KCTD16: variants seen among roughly 807,000 people sequenced by gnomAD.
KCTD16 encodes potassium channel tetramerization domain containing 16.
In KCTD16, 13 loss-of-function variants were observed where a neutral mutation model predicts 33.2. The ratio of observed to expected loss-of-function variants is 0.39; its 90% confidence interval spans 0.25 to 0.62. The LOEUF (loss-of-function observed/expected upper bound fraction) is 0.62, where lower values mean the gene tolerates loss of function less well. Among genes scored for constraint, KCTD16 ranks in the 20% least tolerant of loss-of-function variants. The pLI, the probability that KCTD16 is intolerant of heterozygous loss-of-function variation, is 0.50. For synonymous variants in KCTD16, 197 were observed against 195.3 expected, an observed-to-expected ratio of 1.01 and a Z score of -0.07; for missense variants, 441 against 525.1, an observed-to-expected ratio of 0.84 and a Z score of 1.57.
chr5:144,235,810 T>G (rs1561538627), intron 3 of KCTD16, among the ~76,000 whole-genome samples: 1 of 152,126 alleles, frequency 6.6e-6, no homozygotes, highest in Non-Finnish European at 1.5e-5. Context: ...GAAAGCATTT[T>G]AATAACTGAT....
chr5:144,415,639 A>T (rs1279223050), intron 3 of KCTD16, among the ~76,000 whole-genome samples: 1 of 152,196 alleles, frequency 6.6e-6, no homozygotes, highest in African/African-American at 2.4e-5. Flanking sequence ...CAAACAGTTG[A>T]CTTTGATTTT....
intron 3 of KCTD16, among the ~76,000 whole-genome samples, chr5:144,275,414 CA>C (rs560168404): frequency 9.3e-4 from 142 of 152,288 alleles, no homozygotes; most frequent in African/African-American, 3.3e-3. Context: ...TACGGGAAAG[CA>C]AAGCTACAGA....
rs349693 is a variant in KCTD16 at position 144,480,160 on chromosome 5, T to C, written c.*6046T>C. ...CAAATTACATTAGTGTGCATGTGTG[T>C]GTGTGCACATGGCCATGTGCAATTT... On this transcript the variant is annotated 3_prime_UTR_variant, in exon 4 of 4. Coordinates refer to ENST00000512467, the MANE Select transcript of KCTD16 (RefSeq NM_020768.4). 0.46 allele frequency: 69,091 copies of C among 151,766 alleles called. 16,027 individuals are homozygous for C. Among genetic ancestry groups the C allele is most frequent in the East Asian group, 0.67 (3,426 of 5,106 alleles). 9.4% of individuals were successfully genotyped at this position (151,766 alleles called of 1,614,324 possible). A position where few individuals can be genotyped will look rare whatever the true frequency, so the allele number is the denominator to read the frequency against.
At chr5:144,184,790 C>T (rs1218941172) in intron 2 of KCTD16, among the ~76,000 whole-genome samples, 1 of 152,132 alleles carries the variant, frequency 6.6e-6, no homozygotes, top group Admixed American at 6.5e-5. Flanking sequence ...TCTTTTCATA[C>T]ACTTGTTGGA....
At chr5:144,336,408 A>C (rs904085766) in intron 3 of KCTD16, among the ~76,000 whole-genome samples, 4 of 152,234 alleles carry the variant, frequency 2.6e-5, no homozygotes, top group Non-Finnish European at 4.4e-5. Context: ...GGAAGCCAGG[A>C]AGAGCATCTG....
intron 3 of KCTD16, among the ~76,000 whole-genome samples, chr5:144,290,124 T>C (rs1477488318): frequency 6.6e-6 from 1 of 151,874 alleles, no homozygotes; most frequent in African/African-American, 2.4e-5. Context: ...CTAAAAAATA[T>C]ATATATACAC....
At chr5:144,449,073 T>C (rs1010981776) in intron 3 of KCTD16, among the ~76,000 whole-genome samples, 1 of 152,030 alleles carries the variant, frequency 6.6e-6, no homozygotes, top group African/African-American at 2.4e-5. Context: ...TTCTCTGACT[T>C]TTCTGATTTT....
intron 3 of KCTD16, among the ~76,000 whole-genome samples, chr5:144,392,296 G>A (rs1428288999): frequency 2.6e-5 from 4 of 152,178 alleles, no homozygotes; most frequent in Admixed American, 6.5e-5. Flanking sequence ...AGTGAGGTGC[G>A]TAGTGCAAGT....
At chr5:144,216,854 A>G (rs1188154262) in intron 3 of KCTD16, among the ~76,000 whole-genome samples, 1 of 149,432 alleles carries the variant, frequency 6.7e-6, no homozygotes, top group Non-Finnish European at 1.5e-5. Context: ...GAAAAAAAAA[A>G]AAAAAAGAAA....
At chr5:144,301,818 T>G (rs1426418585) in intron 3 of KCTD16, among the ~76,000 whole-genome samples, 2 of 152,112 alleles carry the variant, frequency 1.3e-5, no homozygotes, top group Non-Finnish European at 2.9e-5. Context: ...CATAGTAGCT[T>G]TTGATGTTTT....
intron 3 of KCTD16, among the ~76,000 whole-genome samples, chr5:144,458,480 T>C (rs1754122555): frequency 6.6e-6 from 1 of 151,564 alleles, no homozygotes; most frequent in African/African-American, 2.4e-5. Flanking sequence ...CAGAGGCTGT[T>C]GTTCTATAGA....
intron 3 of KCTD16, among the ~76,000 whole-genome samples, chr5:144,216,280 G>C (rs1388855721): frequency 6.6e-6 from 1 of 152,176 alleles, no homozygotes; most frequent in Non-Finnish European, 1.5e-5. Flanking sequence ...GTGAGTAGCT[G>C]TGTTATGTGG....
At chr5:144,333,097 A>T (rs1463008608) in intron 3 of KCTD16, among the ~76,000 whole-genome samples, 1 of 152,174 alleles carries the variant, frequency 6.6e-6, no homozygotes, top group Non-Finnish European at 1.5e-5. Flanking sequence ...TTGAGTGGGG[A>T]CACAGCCAAA....
At chr5:144,462,302 T>C (rs1754214502) in intron 3 of KCTD16, among the ~76,000 whole-genome samples, 3 of 152,164 alleles carry the variant, frequency 2.0e-5, no homozygotes, top group African/African-American at 7.2e-5. Flanking sequence ...CCCATCACTT[T>C]TGGCCACATT....
At chr5:144,382,387 C>T (rs926585297) in intron 3 of KCTD16, among the ~76,000 whole-genome samples, 8 of 151,968 alleles carry the variant, frequency 5.3e-5, no homozygotes, top group Non-Finnish European at 1.2e-4. Context: ...TAAAATAAAA[C>T]TTGAAAAAAG....
intron 3 of KCTD16, among the ~76,000 whole-genome samples, chr5:144,278,719 G>T (rs901470627): frequency 1.3e-5 from 2 of 151,582 alleles, no homozygotes; most frequent in Admixed American, 6.6e-5. Flanking sequence ...GGATGGTCTC[G>T]ATCTCCTGAC....
rs530967721 is a variant in KCTD16 at position 144,483,041 on chromosome 5, A to T, written c.*8927A>T. On this transcript the variant is annotated 3_prime_UTR_variant, in exon 4 of 4. Coordinates refer to ENST00000512467, the MANE Select transcript of KCTD16 (RefSeq NM_020768.4). The stretch of plus-strand genomic sequence containing the variant: ...TATCTATGAATAATAAACCAAAAAA[A>T]GTGCATTTAAGGAAACACCAAACTT... 3.8e-3 allele frequency: 570 copies of T among 151,314 alleles called. 1 individual carries two copies. The highest frequency in any genetic ancestry group is 0.013 in the African/African-American group (530 of 41,376). 9.4% of individuals were successfully genotyped at this position (151,314 alleles called of 1,614,324 possible).
At chr5:144,409,882 G>C (rs1752894098) in intron 3 of KCTD16, among the ~76,000 whole-genome samples, 1 of 152,188 alleles carries the variant, frequency 6.6e-6, no homozygotes, top group East Asian at 1.9e-4. Context: ...ATAGTCATAA[G>C]TACTATGGTG....
intron 3 of KCTD16, among the ~76,000 whole-genome samples, chr5:144,334,948 T>C (rs1031886742): frequency 6.6e-6 from 1 of 152,202 alleles, no homozygotes; most frequent in South Asian, 2.1e-4. Flanking sequence ...GGCTAATTTT[T>C]TTTTTATTTT....
Sources: gnomAD v4.1 joint callset for allele counts (sites outside exome capture counted in the v4.1 genomes callset) on GRCh38, gnomAD v4.1.1 for gene constraint, MANE v1.5 for transcripts, NCBI Gene and HGNC (gene_info 2026-07-23, HGNC 2026-07-21) for gene names.